Variants in ATP11A observed in about 807,000 individuals in gnomAD.
The protein encoded by ATP11A is ATPase phospholipid transporting 11A, also known as phospholipid-transporting ATPase IH.
ATP11A carries 81 observed loss-of-function variants against 154.4 expected under a neutral mutation model. The observed-to-expected ratio is 0.52, with a 90% CI of 0.44 to 0.63. The LOEUF is 0.63. Among genes scored for constraint, ATP11A ranks in the 30% least tolerant of loss-of-function variants. ATP11A has a pLI of 0.00. For missense variants in ATP11A, 1,316 were observed against 1,474.3 expected, an observed-to-expected ratio of 0.89 and a Z score of 1.76; for synonymous variants, 623 against 585.9, an observed-to-expected ratio of 1.06 and a Z score of -0.91.
At chr13:112,715,639 C>T (rs987633349) in intron 1 of ATP11A, among the ~76,000 whole-genome samples, 4 of 141,372 alleles carry the variant, frequency 2.8e-5, no homozygotes, top group Admixed American at 2.2e-4. Context: ...CAGAGGGTTG[C>T]CCCTCTGTAT....
chr13:112,781,189 A>G (rs1218868315), intron 1 of ATP11A, among the ~76,000 whole-genome samples: 1 of 150,998 alleles, frequency 6.6e-6, no homozygotes, highest in African/African-American at 2.4e-5. Flanking sequence ...AGGCGCCCAC[A>G]TGCCCGGCTA....
At chr13:112,732,439 T>C (rs1483410533) in intron 1 of ATP11A, among the ~76,000 whole-genome samples, 7 of 152,130 alleles carry the variant, frequency 4.6e-5, no homozygotes, top group Non-Finnish European at 1.0e-4. Context: ...TGTGTCTCTC[T>C]CCATCTCTCT....
chr13:112,719,232 G>A (rs1289591625), intron 1 of ATP11A, among the ~76,000 whole-genome samples: 2 of 152,118 alleles, frequency 1.3e-5, no homozygotes, highest in Non-Finnish European at 2.9e-5. Context: ...CCTGTGACGC[G>A]CAGGCAGGAA....
In ATP11A at chr13:112,816,923, A is replaced by G. The variant is rs140733617; in HGVS notation, c.570+712A>G. Among the ~76,000 whole-genome samples, 25 of 152,360 alleles carry G rather than the reference A, an allele frequency of 1.6e-4. No individual in the cohort carries two copies. In the East Asian group the frequency reaches 4.8e-3, roughly 29 times the overall value. On this transcript the variant is annotated intron_variant, in intron 6 of 29. Coordinates refer to ENST00000375645, the MANE Select transcript of ATP11A (RefSeq NM_015205.3). ...AAATTAGTGTGAAAACTGGCCTAGA[A>G]TTATGTGAAAAGTCACACACGATTC...
At position 112,785,314 on chromosome 13, in the gene ATP11A, G is replaced by T. The variant is rs571264378; in HGVS notation, c.162+57G>T. ...GTGTCTAAAAAGCAGCTGCCGGGGGGTGTTAGTGCTTCTCGGTTTCAAAGA... is the reference window on the plus strand; with the variant it reads ...GTGTCTAAAAAGCAGCTGCCGGGGGTTGTTAGTGCTTCTCGGTTTCAAAGA... On this transcript the variant is annotated intron_variant, in intron 2 of 29. Transcript: ENST00000375645. This position sits in a 1 kb window ranked among gnomAD's most constrained non-coding sequence, Gnocchi z 4.8. The T allele has an allele frequency of 1.8e-5, 24 of 1,364,778 alleles. No homozygotes were observed. The African/African-American group carries it at 2.8e-4, about 16-fold the overall frequency. 84.5% of individuals were successfully genotyped at this position (1,364,778 alleles called of 1,614,324 possible).
chr13:112,861,102 G>A (rs2080090199), intron 24 of ATP11A, among the ~76,000 whole-genome samples: 2 of 152,158 alleles, frequency 1.3e-5, no homozygotes, highest in Non-Finnish European at 2.9e-5. Context: ...AGACAGGAGA[G>A]CGTGTGCAGG....
intron 2 of ATP11A, among the ~76,000 whole-genome samples, chr13:112,792,231 C>T (rs1273133848): frequency 6.6e-6 from 1 of 152,136 alleles, no homozygotes; most frequent in Admixed American, 6.5e-5. Flanking sequence ...GGTAGCTGGC[C>T]TGACAGTAAC....
chr13:112,784,657 G>A lies in ATP11A; in HGVS notation c.40-478G>A, dbSNP rs545652244. On this transcript the variant is annotated intron_variant, in intron 1 of 29. Coordinates refer to ENST00000375645, the MANE Select transcript of ATP11A (RefSeq NM_015205.3). ...CCTGCCTCAGCCTCCTGAGTAGCTG[G>A]GACTACAGGCGCCCACCACCACACC... Among the ~76,000 whole-genome samples the A allele has an allele frequency of 2.0e-5, 3 of 151,800 alleles. No homozygotes were observed. In the South Asian group the frequency reaches 6.3e-4, roughly 32 times the overall value.
chr13:112,870,258 T>C (rs558294208), intron 25 of ATP11A, among the ~76,000 whole-genome samples: 149 of 152,356 alleles, frequency 9.8e-4, no homozygotes, highest in African/African-American at 3.4e-3. Context: ...TGAGATGTTA[T>C]CCTGTTATCC....
At chr13:112,777,560 G>A (rs910658860) in intron 1 of ATP11A, among the ~76,000 whole-genome samples, 10 of 152,296 alleles carry the variant, frequency 6.6e-5, no homozygotes, top group African/African-American at 9.6e-5. Context: ...GCAAGACTTC[G>A]TCTCAAAAAA....
intron 5 of ATP11A, chr13:112,812,135 A>G (rs913645233): frequency 1.3e-4 from 20 of 152,250 alleles, no homozygotes; most frequent in African/African-American, 4.8e-4. Context: ...ATGTTTCAAA[A>G]TATGTGATTA....
At chr13:112,835,844 G>T (rs2079218527) in intron 15 of ATP11A, among the ~76,000 whole-genome samples, 1 of 152,250 alleles carries the variant, frequency 6.6e-6, no homozygotes, top group African/African-American at 2.4e-5. Flanking sequence ...TTGAGTCTCT[G>T]TTCAGCGGTG....
intron 2 of ATP11A, among the ~76,000 whole-genome samples, chr13:112,803,640 G>T (rs189897955): frequency 3.3e-5 from 5 of 151,624 alleles, no homozygotes; most frequent in Admixed American, 3.3e-4. Flanking sequence ...AGCAAAATGA[G>T]AAGTGTGGAG....
At position 112,804,990 on chromosome 13, in the gene ATP11A, T is replaced by C. The variant is rs1247000945; in HGVS notation, c.196T>C (p.Phe66Leu). 1 of 1,611,646 alleles carries C rather than the reference T, an allele frequency of 6.2e-7. No homozygotes were observed. Among genetic ancestry groups the C allele is most frequent in the South Asian group, 1.1e-5 (1 of 90,336 alleles). Residue 66 changes from phenylalanine (F) to leucine (L), a missense_variant, in exon 3 of 30, where the codon TTT becomes CTT. By Grantham distance (22) the Phe-to-Leu change is conservative (BLOSUM62 0). Around this residue, in one of 5 missense-constraint regions of ATP11A, gnomAD observed 123 missense variants for 113.7 expected, o/e 1.08. Coordinates refer to ENST00000375645, the MANE Select transcript of ATP11A (RefSeq NM_015205.3). ...TFWNFIPKNL[F>L]EQFRRVANFY... The stretch of plus-strand genomic sequence containing the variant: ...TTGGAACTTTATACCCAAGAATTTA[T>C]TTGAACAATTCAGAAGAGTAGCCAA...
intron 1 of ATP11A, among the ~76,000 whole-genome samples, chr13:112,779,069 A>G (rs1363519844): frequency 1.7e-5 from 2 of 119,554 alleles, no homozygotes; most frequent in Non-Finnish European, 3.4e-5. Flanking sequence ...CGCTGGAGTG[A>G]GGAGTAGCCC....
intron 1 of ATP11A, among the ~76,000 whole-genome samples, chr13:112,711,231 A>G (rs1887711089): frequency 6.6e-6 from 1 of 152,218 alleles, no homozygotes; most frequent in Admixed American, 6.5e-5. Flanking sequence ...AGAAGGTAGT[A>G]TTCGCTCTAA....
chr13:112,741,233 G>T (rs935214356), intron 1 of ATP11A, among the ~76,000 whole-genome samples: 3 of 152,094 alleles, frequency 2.0e-5, no homozygotes, highest in Non-Finnish European at 2.9e-5. Context: ...AGTCGGGAGG[G>T]TTGGGCAGCC....
chr13:112,798,277 A>G (rs1317688211), intron 2 of ATP11A, among the ~76,000 whole-genome samples: 1 of 152,200 alleles, frequency 6.6e-6, no homozygotes, highest in Non-Finnish European at 1.5e-5. Context: ...AGGTAGTAAA[A>G]TTAAATATTT....
At chr13:112,848,383 A>G (rs2079665847) in intron 17 of ATP11A, among the ~76,000 whole-genome samples, 1 of 152,104 alleles carries the variant, frequency 6.6e-6, no homozygotes, top group African/African-American at 2.4e-5. Context: ...TTGGTAGTGT[A>G]TAGAAATGCC....
Sources: allele counts gnomAD v4.1 joint callset (sites outside exome capture counted in the v4.1 genomes callset), GRCh38; gene constraint gnomAD v4.1.1; regional missense constraint gnomAD v4.1.1; non-coding constraint Gnocchi (gnomAD v3.1); transcripts MANE v1.5; gene names NCBI Gene and HGNC (gene_info 2026-07-23, HGNC 2026-07-21).